The following FANCB variants were observed in gnomAD, a reference collection of about 807,000 sequenced individuals.
FANCB encodes the protein Fanconi anemia group B protein.
A neutral mutation model predicts 38.9 loss-of-function variants in FANCB; 5 were observed. The ratio of observed to expected loss-of-function variants is 0.13; its 90% CI spans 0.07 to 0.27. The LOEUF (loss-of-function observed/expected upper bound fraction) is 0.27, where lower values mean the gene tolerates loss of function less well. FANCB is among the 10% of genes least tolerant of loss of function. The probability of loss-of-function intolerance (pLI) is 1.00; values close to 1 mark genes in which losing one functional copy is unlikely to be tolerated. For synonymous variants in FANCB, 236 were observed against 215.4 expected, an observed-to-expected ratio of 1.10 and a Z score of -0.84; for missense variants, 573 against 602.7, an observed-to-expected ratio of 0.95 and a Z score of 0.52.
intron 9 of FANCB, among the ~76,000 whole-genome samples, chrX:14,844,301 A>G (rs1014242798): frequency 9.0e-6 from 1 of 111,466 alleles, no homozygotes; most frequent in Non-Finnish European, 1.9e-5. Flanking sequence ...AGGCACTAAA[A>G]AAAGCCAAAA....
chrX:14,790,417 T>C, the FANCB span, among the ~76,000 whole-genome samples: 1 of 112,058 alleles, frequency 8.9e-6, no homozygotes, highest in Admixed American at 9.5e-5. Context: ...TTTAACTTCT[T>C]GTAATTATCA....
the FANCB span, among the ~76,000 whole-genome samples, chrX:14,824,022 G>A: frequency 9.8e-5 from 11 of 111,732 alleles, no homozygotes; most frequent in African/African-American, 3.6e-4. Flanking sequence ...GACTGGACAG[G>A]AGAACTGCCA....
At chrX:14,759,360 A>C in the FANCB span, among the ~76,000 whole-genome samples, 3 of 111,500 alleles carry the variant, frequency 2.7e-5, no homozygotes, top group Non-Finnish European at 5.6e-5. Flanking sequence ...AAATACAAGA[A>C]GCTCAAAGAA....
At chrX:14,690,973 C>A in the FANCB span, 2 of 780,335 alleles carry the variant, frequency 2.6e-6, no homozygotes, top group South Asian at 2.5e-5. Flanking sequence ...AATTTTTGTT[C>A]TGATTTGTCC....
At chrX:14,831,046 C>T (rs2092326438), downstream of FANCB, among the ~76,000 whole-genome samples, 1 of 112,218 alleles carries the variant, frequency 8.9e-6, no homozygotes, top group Non-Finnish European at 1.9e-5. Context: ...TAAAATGACA[C>T]TTGCCAATGT....
the FANCB span, among the ~76,000 whole-genome samples, chrX:14,737,051 G>A: frequency 9.0e-6 from 1 of 110,874 alleles, no homozygotes; most frequent in Non-Finnish European, 1.9e-5. Flanking sequence ...CAGCTACTCA[G>A]GAGGCTGAGG....
chrX:14,810,100 A>G, the FANCB span, among the ~76,000 whole-genome samples: 1 of 112,282 alleles, frequency 8.9e-6, no homozygotes, highest in Admixed American at 9.4e-5. Context: ...CGTGCAGCTG[A>G]GGGTCCTGTC....
At chrX:14,703,550 T>A in the FANCB span, among the ~76,000 whole-genome samples, 3 of 111,836 alleles carry the variant, frequency 2.7e-5, no homozygotes, top group Non-Finnish European at 5.6e-5. Flanking sequence ...CTTTGTAGGA[T>A]AACATATTCA....
intron 2 of FANCB, among the ~76,000 whole-genome samples, chrX:14,868,461 T>C (rs1050922655): frequency 8.9e-6 from 1 of 111,795 alleles, no homozygotes. Context: ...TTAAGTGAAA[T>C]AAGCCAATCA....
chrX:14,808,668 C>T, the FANCB span, among the ~76,000 whole-genome samples: 1 of 112,226 alleles, frequency 8.9e-6, no homozygotes, highest in African/African-American at 3.2e-5. Flanking sequence ...CAAGGATGTC[C>T]ACTTTCACCA....
At chrX:14,822,949 C>G in the FANCB span, among the ~76,000 whole-genome samples, 2 of 110,953 alleles carry the variant, frequency 1.8e-5, no homozygotes, top group Non-Finnish European at 3.8e-5. Context: ...TTGGTGTTAA[C>G]TTTATACCTG....
the FANCB span, among the ~76,000 whole-genome samples, chrX:14,737,313 T>G: frequency 8.9e-6 from 1 of 112,226 alleles, no homozygotes; most frequent in African/African-American, 3.2e-5. Context: ...TAGAGGTAAT[T>G]CGTGTTGACT....
the FANCB span, among the ~76,000 whole-genome samples, chrX:14,733,950 GTTTAT>G: frequency 1.8e-5 from 2 of 111,537 alleles, no homozygotes; most frequent in Non-Finnish European, 3.8e-5. Context: ...ATTTTAATAT[GTTTAT>G]TTTGAGAAAT....
At chrX:14,702,865 C>T in the FANCB span, among the ~76,000 whole-genome samples, 1 of 111,428 alleles carries the variant, frequency 9.0e-6, no homozygotes, top group African/African-American at 3.3e-5. Context: ...TGAAATGATC[C>T]AGAGGCTTAG....
chrX:14,811,750 A>T, the FANCB span, among the ~76,000 whole-genome samples: 1 of 111,356 alleles, frequency 9.0e-6, no homozygotes, highest in Non-Finnish European at 1.9e-5. Context: ...CATTAGACAG[A>T]TCAACGAGAC....
chrX:14,768,541 C>T, the FANCB span, among the ~76,000 whole-genome samples: 2 of 112,102 alleles, frequency 1.8e-5, no homozygotes, highest in Admixed American at 1.9e-4. Context: ...AGTTGCTTAA[C>T]AGCTTAAGAA....
downstream of FANCB, among the ~76,000 whole-genome samples, chrX:14,833,355 A>C (rs2952098): frequency 2.7e-5 from 3 of 110,404 alleles, no homozygotes; most frequent in Admixed American, 2.9e-4. Flanking sequence ...CTGACTTTGA[A>C]GAGGGTTACT....
At chrX:14,760,602 CAT>C in the FANCB span, among the ~76,000 whole-genome samples, 2 of 111,983 alleles carry the variant, frequency 1.8e-5, no homozygotes, top group African/African-American at 3.2e-5. Flanking sequence ...AATGTATACA[CAT>C]GTCAAAATAT....
chrX:14,857,482 CT>C (rs2092427942), intron 5 of FANCB, among the ~76,000 whole-genome samples: 2 of 111,138 alleles, frequency 1.8e-5, no homozygotes, highest in African/African-American at 6.5e-5. Flanking sequence ...TTTTGTGGAG[CT>C]TTTTATGGAA....
Sources: allele counts gnomAD v4.1 joint callset (sites outside exome capture counted in the v4.1 genomes callset), GRCh38; gene constraint gnomAD v4.1.1; transcripts MANE v1.5; gene names NCBI Gene and HGNC (gene_info 2026-07-23, HGNC 2026-07-21).